CCNT2: variants seen among roughly 807,000 people sequenced by gnomAD.
The protein encoded by CCNT2 is cyclin-T2.
In CCNT2, 18 loss-of-function variants were observed where a neutral mutation model predicts 70.0. That is an observed-to-expected ratio of 0.26 (90% confidence interval 0.18 to 0.38). CCNT2 has a LOEUF of 0.38. Among genes scored for constraint, CCNT2 ranks in the 10% least tolerant of loss-of-function variants. The pLI is 1.00. For synonymous variants in CCNT2, 334 were observed against 313.3 expected (o/e 1.07, Z -0.70); for missense variants, 734 against 890.2 (o/e 0.82, Z 2.23).
chr2:134,945,722 T>C, intron 5 of CCNT2: 2 of 1,282,156 alleles, frequency 1.6e-6, no homozygotes, highest in Non-Finnish European at 2.0e-6. Context: ...GGCAGGCAAC[T>C]CTTTGTATTT....
chr2:134,919,947 C>G, intron 2 of CCNT2, 56 bp downstream of exon 2: 1 of 1,257,934 alleles, frequency 7.9e-7, no homozygotes. Flanking sequence ...AATCGATACG[C>G]AGAAAAAAAG....
intron 5 of CCNT2, chr2:134,944,377 T>A: frequency 1.0e-6 from 1 of 966,890 alleles, no homozygotes; most frequent in South Asian, 4.8e-5. Context: ...TTTAAAAATA[T>A]TACTTGTGAA....
chr2:134,953,462 C>G lies in CCNT2; in HGVS notation c.1007C>G (p.Thr336Arg), dbSNP rs764891019. The G allele has an allele frequency of 6.2e-7, 1 of 1,613,890 alleles. No homozygotes were observed. The highest frequency in any genetic ancestry group is 2.2e-5 in the East Asian group (1 of 44,892). Residue 336 changes from threonine to arginine, a missense_variant, in exon 9 of 9, where the codon ACA becomes AGA. Thr to Arg is a moderately conservative substitution (Grantham distance 71). Coordinates refer to ENST00000264157, the MANE Select transcript of CCNT2 (RefSeq NM_058241.3). ...HTSDNLSMLA[T>R]GMPSTSYGLS... ...TCTGATAATTTGTCAATGCTAGCAA[C>G]AGGAATGCCAAGTACTTCATACGGT...
In CCNT2 at chr2:134,918,884, C is replaced by T. The variant is rs780933546; in HGVS notation, c.30C>T (p.Arg10=). The change falls in exon 1 of 9, where the codon CGC becomes CGT. Residue 10 remains arginine, a synonymous_variant. Coordinates refer to ENST00000264157, the MANE Select transcript of CCNT2 (RefSeq NM_058241.3). The part of the protein sequence containing the change: MASGRGASS[R]WFFTREQLEN... ...CGTCGGGCCGTGGAGCTTCTTCTCG[C>T]TGGTTCTTTACTCGGGAACAGCTGG... The T allele has an allele frequency of 3.1e-6, 5 of 1,613,808 alleles. No homozygotes were observed. The highest frequency in any genetic ancestry group is 1.3e-5 in the African/African-American group (1 of 74,936).
Position 134,953,484 on chromosome 2 carries a change from C to T in CCNT2, c.1029C>T (p.Tyr343=), listed in dbSNP as rs368857873. The T allele has an allele frequency of 6.2e-6, 10 of 1,614,032 alleles. No homozygotes were observed. Among genetic ancestry groups the T allele is most frequent in the Admixed American group, 3.3e-5 (2 of 60,004 alleles). ...CAACAGGAATGCCAAGTACTTCATA[C>T]GGTTTATCATCACACCAGGAATGGC... ...MLATGMPSTS[Y]GLSSHQEWPQ... Residue 343 remains tyrosine (Y), a synonymous_variant, in exon 9 of 9, where the codon TAC becomes TAT. Coordinates refer to ENST00000264157, the MANE Select transcript of CCNT2 (RefSeq NM_058241.3).
intron 2 of CCNT2, among the ~76,000 whole-genome samples, chr2:134,935,587 C>T (rs1681089760): frequency 6.6e-6 from 1 of 152,146 alleles, no homozygotes; most frequent in Non-Finnish European, 1.5e-5. Flanking sequence ...AATGGGTACT[C>T]AAATCTTGAC....
At chr2:134,929,943 G>A (rs909236936) in intron 2 of CCNT2, among the ~76,000 whole-genome samples, 3 of 151,120 alleles carry the variant, frequency 2.0e-5, no homozygotes, top group African/African-American at 4.9e-5. Flanking sequence ...GAGCCACCCC[G>A]CCTGGCCTAA....
chr2:134,952,307 T>C (rs1682573032), intron 7 of CCNT2, among the ~76,000 whole-genome samples: 1 of 152,316 alleles, frequency 6.6e-6, no homozygotes, highest in Middle Eastern at 3.4e-3. Context: ...AAAGAATCTT[T>C]TGATAGATCT....
chr2:134,919,029 G>A lies in CCNT2; in HGVS notation c.158+17G>A. The stretch of plus-strand genomic sequence containing the variant: ...TCTCAATGTGTATCCTTTTCTGTTC[G>A]CCGCCGCTCACGCCCTGTTTCCCTT... On this transcript the variant is annotated intron_variant, in intron 1 of 8. Coordinates refer to ENST00000264157, the MANE Select transcript of CCNT2 (RefSeq NM_058241.3). 1.3e-6 allele frequency: 2 copies of A among 1,584,564 alleles called. No individual in the cohort carries two copies. Among genetic ancestry groups the A allele is most frequent in the South Asian group, 1.1e-5 (1 of 89,784 alleles).
chr2:134,954,123 T>G lies in CCNT2; in HGVS notation c.1668T>G (p.His556Gln), dbSNP rs1285490516. Reference sequence around the variant, plus strand: ...CAAGCCCACATATTAGCAGAGACCATAAGGAGAAGCACAAGGAGCATCCTT... The same window carrying G: ...CAAGCCCACATATTAGCAGAGACCAGAAGGAGAAGCACAAGGAGCATCCTT... Reference protein sequence around the residue: ...KHSSPHISRDHKEKHKEHPSS... With the variant: ...KHSSPHISRDQKEKHKEHPSS... The change falls in exon 9 of 9, where the codon CAT (histidine) becomes CAG (glutamine). Residue 556 changes from histidine to glutamine, a missense_variant. Coordinates refer to ENST00000264157, the MANE Select transcript of CCNT2 (RefSeq NM_058241.3). 2 of 1,614,064 alleles carry G rather than the reference T, an allele frequency of 1.2e-6. No individual in the cohort carries two copies. The highest frequency in any genetic ancestry group is 3.3e-5 in the Admixed American group (2 of 60,014).
At chr2:134,938,958 G>A (rs1559101624) in intron 3 of CCNT2, 44 bp from the exon 4 acceptor site, 1 of 1,274,628 alleles carries the variant, frequency 7.8e-7, no homozygotes, top group Non-Finnish European at 1.1e-6. Context: ...GTCTAGTAAT[G>A]TTATTTTTAT....
chr2:134,920,115 A>T, intron 2 of CCNT2: 1 of 413,378 alleles, frequency 2.4e-6, no homozygotes, highest in South Asian at 3.2e-5. Context: ...TTTTAAGCTA[A>T]AAAAGAAAAA....
intron 2 of CCNT2, among the ~76,000 whole-genome samples, chr2:134,925,455 G>A (rs548158993): frequency 3.3e-5 from 5 of 152,002 alleles, no homozygotes; most frequent in Middle Eastern, 3.4e-3. Flanking sequence ...CCCCAACCCC[G>A]CAGTCATTTC....
chr2:134,952,737 G>C (rs747672128), intron 8 of CCNT2, 26 bp downstream of exon 8: 2 of 1,547,308 alleles, frequency 1.3e-6, no homozygotes, highest in Admixed American at 3.4e-5. Flanking sequence ...GGGTTTAACA[G>C]AATTTCAGTC....
rs561988006 is a variant in CCNT2, at chr2:134,959,281, T to A, written c.*4633T>A. ...AATATGTGTATATGGCATGAATTAG[T>A]CATTGACTTTAAGCTTCTTATCCAT... On this transcript the variant is annotated 3_prime_UTR_variant, in exon 9 of 9. Coordinates refer to ENST00000264157, the MANE Select transcript of CCNT2 (RefSeq NM_058241.3). 1 of 152,350 alleles carries A rather than the reference T, an allele frequency of 6.6e-6. No homozygotes were observed. Among genetic ancestry groups the A allele is most frequent in the South Asian group, 2.1e-4 (1 of 4,826 alleles). 9.4% of individuals were successfully genotyped at this position (152,350 alleles called of 1,614,324 possible).
rs780203526 is a variant in CCNT2 at position 134,942,605 on chromosome 2, A to G, written c.431-7A>G. 5 of 1,609,098 alleles carry G rather than the reference A, an allele frequency of 3.1e-6. No homozygotes were observed. The Admixed American group carries it at 5.0e-5, about 16-fold the overall frequency. The stretch of plus-strand genomic sequence containing the variant: ...GAGATTGGAAAAAAAAGTGCTTATC[A>G]TTTCAGGTTTTGAGATCACCATTGA... On this transcript the variant is annotated splice_region_variant and splice_polypyrimidine_tract_variant and intron_variant, in intron 4 of 8. Transcript: ENST00000264157.
chr2:134,920,312 CT>C (rs1400630544), intron 2 of CCNT2: 3 of 152,524 alleles, frequency 2.0e-5, no homozygotes, highest in Admixed American at 2.0e-4. Context: ...TTATGACATT[CT>C]TTTGAAAGAG....
At position 134,940,478 on chromosome 2, in the gene CCNT2, CACAA is replaced by C. The variant is rs371554612; in HGVS notation, c.430+1420_430+1423del. ...GATAAAAATTTTAAAAAGTTAGGCA[CACAA>C]ACAGACAATATGTGGCTCTATTCGC... On this transcript the variant is annotated intron_variant, in intron 4 of 8. Transcript: ENST00000264157. 7.0e-3 allele frequency among the ~76,000 whole-genome samples: 1,066 copies of C among 152,122 alleles called. 14 individuals carry two copies. Among genetic ancestry groups the C allele is most frequent in the African/African-American group, 0.024 (1,001 of 41,488 alleles).
intron 2 of CCNT2, among the ~76,000 whole-genome samples, chr2:134,926,388 C>T (rs534212588): frequency 6.6e-6 from 1 of 152,288 alleles, no homozygotes; most frequent in African/African-American, 2.4e-5. Flanking sequence ...TCTTCCCCTC[C>T]ACATTTTTAG....
Sources: gnomAD v4.1 joint callset for allele counts (sites outside exome capture counted in the v4.1 genomes callset) on GRCh38, gnomAD v4.1.1 for gene constraint, MANE v1.5 for transcripts, NCBI Gene and HGNC (gene_info 2026-07-23, HGNC 2026-07-21) for gene names.